LIPA: variants seen among roughly 807,000 people sequenced by gnomAD.
LIPA encodes lysosomal acid lipase/cholesteryl ester hydrolase.
A neutral mutation model predicts 40.6 loss-of-function variants in LIPA; 26 were observed. That is an observed-to-expected ratio of 0.64 (90% confidence interval 0.47 to 0.89). The LOEUF (loss-of-function observed/expected upper bound fraction) is 0.89. Among genes scored for constraint, LIPA ranks in the 40% least tolerant of loss-of-function variants. The pLI is 0.00. For missense variants in LIPA, 455 were observed against 479.6 expected (o/e 0.95, Z 0.48); for synonymous variants, 188 against 168.4 (o/e 1.12, Z -0.90).
chr10:89,357,015 C>G (rs1267548813), intron 2 of LIPA, among the ~76,000 whole-genome samples: 1 of 152,130 alleles, frequency 6.6e-6, no homozygotes, highest in African/African-American at 2.4e-5. Context: ...ATGCCTTGGT[C>G]TTTTTGGCAA....
At chr10:89,362,442 T>C (rs1844028463) in intron 2 of LIPA, 1 of 168,296 alleles carries the variant, frequency 5.9e-6, no homozygotes, top group Admixed American at 6.3e-5. Flanking sequence ...AAGTACAGTG[T>C]GGGAATGCAC....
chr10:89,375,482 G>T (rs1844115361), intron 2 of LIPA, among the ~76,000 whole-genome samples: 2 of 152,178 alleles, frequency 1.3e-5, no homozygotes, highest in African/African-American at 4.8e-5. Context: ...GGGTGCTATT[G>T]TCTTATACTC....
chr10:89,320,964 G>C (rs1251550397), intron 1 of LIPA, among the ~76,000 whole-genome samples: 1 of 151,904 alleles, frequency 6.6e-6, no homozygotes, highest in African/African-American at 2.4e-5. Context: ...ACAAGCAATG[G>C]GGAAAGGATT....
intron 1 of LIPA, among the ~76,000 whole-genome samples, chr10:89,273,290 G>A (rs1803217917): frequency 6.6e-6 from 1 of 152,156 alleles, no homozygotes; most frequent in Admixed American, 6.5e-5. Flanking sequence ...GATGAGCTGA[G>A]TGTCCTCTGG....
chr10:89,306,254 T>C, intron 1 of LIPA: 5 of 1,614,160 alleles, frequency 3.1e-6, no homozygotes, highest in Non-Finnish European at 4.2e-6. Context: ...CTGGGGAAAC[T>C]ATGCCTGGGT....
At chr10:89,247,099 G>A (rs960673459) in intron 2 of LIPA, among the ~76,000 whole-genome samples, 1 of 152,062 alleles carries the variant, frequency 6.6e-6, no homozygotes, top group African/African-American at 2.4e-5. Flanking sequence ...GGCTGGGCAC[G>A]GTGGCTCACG....
chr10:89,258,378 T>C (rs1025710783), intron 1 of LIPA, among the ~76,000 whole-genome samples: 1 of 152,182 alleles, frequency 6.6e-6, no homozygotes, highest in African/African-American at 2.4e-5. Context: ...TTGTCAAAGA[T>C]TGTTTAAATA....
intron 1 of LIPA, among the ~76,000 whole-genome samples, chr10:89,279,510 T>C (rs187323071): frequency 6.9e-4 from 105 of 152,294 alleles, no homozygotes; most frequent in African/African-American, 2.5e-3. Context: ...TATGGAAGGA[T>C]TCCAGATTTC....
chr10:89,347,376 G>T (rs975825399), upstream of LIPA, among the ~76,000 whole-genome samples: 3 of 152,196 alleles, frequency 2.0e-5, no homozygotes, highest in Non-Finnish European at 4.4e-5. Context: ...GCAAGTGTTA[G>T]CATAAACTCC....
chr10:89,366,088 G>C (rs1000582530), intron 2 of LIPA, among the ~76,000 whole-genome samples: 1 of 152,222 alleles, frequency 6.6e-6, no homozygotes, highest in African/African-American at 2.4e-5. Flanking sequence ...CATGAGCATG[G>C]AATGTTTTTC....
At chr10:89,249,323 G>C (rs985908093) in intron 1 of LIPA, among the ~76,000 whole-genome samples, 1 of 152,198 alleles carries the variant, frequency 6.6e-6, no homozygotes, top group South Asian at 2.1e-4. Context: ...AAAGTTAAAT[G>C]CCTCTCCTAA....
At chr10:89,227,563 A>C (rs1842785376) in intron 4 of LIPA, among the ~76,000 whole-genome samples, 1 of 152,138 alleles carries the variant, frequency 6.6e-6, no homozygotes, top group Non-Finnish European at 1.5e-5. Context: ...TTTCTCTAAT[A>C]CCTGGTACCA....
intron 1 of LIPA, among the ~76,000 whole-genome samples, chr10:89,258,734 A>G (rs1843193061): frequency 6.6e-6 from 1 of 152,256 alleles, no homozygotes; most frequent in African/African-American, 2.4e-5. Flanking sequence ...ACTGATGTTT[A>G]CATAAAAACT....
At chr10:89,276,035 G>T (rs1417756268) in intron 1 of LIPA, among the ~76,000 whole-genome samples, 2 of 152,190 alleles carry the variant, frequency 1.3e-5, no homozygotes, top group African/African-American at 4.8e-5. Context: ...GTATAATTTT[G>T]TAGAGGATGC....
At chr10:89,270,272 T>C (rs894937713) in intron 1 of LIPA, among the ~76,000 whole-genome samples, 8 of 152,220 alleles carry the variant, frequency 5.3e-5, no homozygotes, top group Non-Finnish European at 1.0e-4. Context: ...TTTAGGGATA[T>C]GTAATTCTCC....
intron 1 of LIPA, chr10:89,332,467 G>A: frequency 6.6e-7 from 1 of 1,505,484 alleles, no homozygotes; most frequent in Non-Finnish European, 8.9e-7. Flanking sequence ...ATCTTGATAG[G>A]GTTCCATCAG....
At chr10:89,382,587 G>A (rs999608370) in intron 2 of LIPA, among the ~76,000 whole-genome samples, 2 of 152,238 alleles carry the variant, frequency 1.3e-5, no homozygotes, top group Non-Finnish European at 2.9e-5. Context: ...GATGTCAGGA[G>A]CACTGACTTA....
chr10:89,214,600 T>C lies in LIPA; in HGVS notation c.*228A>G, dbSNP rs1842595568. On this transcript the variant is annotated 3_prime_UTR_variant, in exon 10 of 10. Transcript: ENST00000336233. Reference sequence around the variant, plus strand: ...TTTAAAAGACTTAAAGAGACAATACTATGGTTGAGACACTGGCTTCCTATT... The same window carrying C: ...TTTAAAAGACTTAAAGAGACAATACCATGGTTGAGACACTGGCTTCCTATT... 2.0e-6 allele frequency: 1 copy of C among 507,942 alleles called. No homozygotes were observed. Among genetic ancestry groups the C allele is most frequent in the Non-Finnish European group, 3.5e-6 (1 of 283,616 alleles). The allele number at this position is 507,942 out of a possible 1,614,324, so 31.5% of individuals were successfully genotyped here.
chr10:89,354,071 G>A (rs1229634493), intron 2 of LIPA, among the ~76,000 whole-genome samples: 6 of 152,012 alleles, frequency 3.9e-5, no homozygotes, highest in African/African-American at 9.7e-5. Context: ...TTTCCCCTCA[G>A]TCGATTTCTT....
Sources: gnomAD v4.1 joint callset for allele counts (sites outside exome capture counted in the v4.1 genomes callset) on GRCh38, gnomAD v4.1.1 for gene constraint, MANE v1.5 for transcripts, NCBI Gene and HGNC (gene_info 2026-07-23, HGNC 2026-07-21) for gene names.